The following COL4A5 variants were observed in gnomAD, a reference collection of about 807,000 sequenced individuals.
COL4A5 encodes the protein collagen type IV alpha 5 chain, also known as collagen alpha-5(IV) chain.
Under a neutral mutation model 130.2 loss-of-function variants are expected in COL4A5, and 26 were observed. That is an observed-to-expected ratio of 0.20 (90% CI 0.15 to 0.28). The LOEUF (loss-of-function observed/expected upper bound fraction) is 0.28, where lower values mean the gene tolerates loss of function less well. COL4A5 is among the 10% of genes least tolerant of loss of function. COL4A5 has a pLI of 1.00. For synonymous variants in COL4A5, 496 were observed against 439.6 expected (o/e 1.13, Z -1.60); for missense variants, 1,131 against 1,344.3 (o/e 0.84, Z 2.48).
At chrX:108,691,238 A>C (rs2147996149) in intron 49 of COL4A5, among the ~76,000 whole-genome samples, 1 of 110,854 alleles carries the variant, frequency 9.0e-6, no homozygotes, top group East Asian at 2.8e-4. Context: ...GAAGGAATTA[A>C]TTCCATATTT....
intron 1 of COL4A5, among the ~76,000 whole-genome samples, chrX:108,447,127 C>T (rs1457753343): frequency 9.0e-6 from 1 of 110,964 alleles, no homozygotes; most frequent in African/African-American, 3.3e-5. Flanking sequence ...GACCACTTTC[C>T]CCACCCCTCT....
chrX:108,692,970 T>C, intron 50 of COL4A5, 45 bp downstream of exon 50: 1 of 1,182,617 alleles, frequency 8.5e-7, no homozygotes, highest in Admixed American at 2.2e-5. Context: ...CCCCAGTTAG[T>C]TAGCTAGTCA....
chrX:108,465,310 A>G (rs2064695081), intron 1 of COL4A5, among the ~76,000 whole-genome samples: 1 of 112,244 alleles, frequency 8.9e-6, no homozygotes, highest in South Asian at 3.7e-4. Context: ...GTGGGTATGA[A>G]GTGGTATCTT....
At chrX:108,695,818 C>T (rs966814678) in intron 52 of COL4A5, 10 of 248,467 alleles carry the variant, frequency 4.0e-5, no homozygotes, top group Non-Finnish European at 6.5e-5. Context: ...TTTAAAGATT[C>T]TCATTTAAGG....
At chrX:108,616,358 C>T (rs1451107702) in intron 30 of COL4A5, among the ~76,000 whole-genome samples, 1 of 110,368 alleles carries the variant, frequency 9.1e-6, no homozygotes, top group Non-Finnish European at 1.9e-5. Context: ...GCCTCAGCCT[C>T]CGGAGTAGCC....
At chrX:108,562,186 T>C (rs1334119407) in intron 3 of COL4A5, among the ~76,000 whole-genome samples, 1 of 112,000 alleles carries the variant, frequency 8.9e-6, no homozygotes, top group Admixed American at 9.5e-5. Context: ...CTCAACATAT[T>C]GGAGCTAGTT....
chrX:108,597,312 A>G, intron 23 of COL4A5, 65 bp from the exon 24 acceptor site: 1 of 1,102,347 alleles, frequency 9.1e-7, no homozygotes, highest in East Asian at 3.0e-5. Context: ...AAAAAAAGAA[A>G]CTGATTTTCT....
intron 1 of COL4A5, among the ~76,000 whole-genome samples, chrX:108,481,424 T>G (rs2064889844): frequency 9.0e-6 from 1 of 111,561 alleles, no homozygotes; most frequent in Non-Finnish European, 1.9e-5. Flanking sequence ...CTGGCTCAAG[T>G]CTGGAAATTG....
intron 1 of COL4A5, among the ~76,000 whole-genome samples, chrX:108,502,291 TTTG>T (rs1392792885): frequency 9.0e-6 from 1 of 110,570 alleles, no homozygotes; most frequent in Non-Finnish European, 1.9e-5. Context: ...TTTGTTTTGT[TTTG>T]TTTTTTTGGA....
intron 1 of COL4A5, among the ~76,000 whole-genome samples, chrX:108,538,405 T>C (rs1269351098): frequency 1.8e-5 from 2 of 111,927 alleles, no homozygotes; most frequent in Middle Eastern, 4.2e-3. Flanking sequence ...AGCAGCCTCT[T>C]GTAGTGTGAG....
chrX:108,578,533 C>A, intron 13 of COL4A5, 150 bp downstream of exon 13: 1 of 467,046 alleles, frequency 2.1e-6, no homozygotes, highest in Non-Finnish European at 3.8e-6. Context: ...GTCAGTTATA[C>A]CTCAATAAAG....
At chrX:108,534,263 A>G (rs2147641923) in intron 1 of COL4A5, among the ~76,000 whole-genome samples, 1 of 111,949 alleles carries the variant, frequency 8.9e-6, no homozygotes, top group East Asian at 2.8e-4. Context: ...AGAAATCAAT[A>G]TATCAAAGAA....
chrX:108,559,649 G>A (rs1225082344), intron 3 of COL4A5, among the ~76,000 whole-genome samples: 1 of 112,104 alleles, frequency 8.9e-6, no homozygotes, highest in African/African-American at 3.2e-5. Context: ...ACTGCTGAGG[G>A]AGCTCAGAAC....
chrX:108,479,572 T>C (rs1376803932), intron 1 of COL4A5, among the ~76,000 whole-genome samples: 2 of 111,704 alleles, frequency 1.8e-5, no homozygotes, highest in Admixed American at 9.5e-5. Flanking sequence ...CAACTGATCA[T>C]AGGAAACTCC....
chrX:108,549,483 C>G (rs2065717138), intron 2 of COL4A5, among the ~76,000 whole-genome samples: 1 of 111,645 alleles, frequency 9.0e-6, no homozygotes, highest in South Asian at 3.7e-4. Flanking sequence ...TTAGAAAGCA[C>G]TGTTCTAAAT....
At chrX:108,594,835 A>C (rs28410790) in intron 21 of COL4A5, among the ~76,000 whole-genome samples, 11,413 of 109,836 alleles carry the variant, frequency 0.1, 1,297 homozygotes, top group African/African-American at 0.34. Flanking sequence ...AAAATAATAT[A>C]TTTTAAAGCA....
intron 1 of COL4A5, among the ~76,000 whole-genome samples, chrX:108,520,501 G>A (rs1002024883): frequency 9.0e-6 from 1 of 110,938 alleles, no homozygotes; most frequent in East Asian, 2.8e-4. Flanking sequence ...TAAAATCTCC[G>A]ACTCTGATTG....
chrX:108,595,454 A>G, intron 21 of COL4A5, 55 bp from the exon 22 acceptor site: 1 of 1,045,614 alleles, frequency 9.6e-7, no homozygotes, highest in Admixed American at 2.2e-5. Context: ...ACCTATCTAT[A>G]GAAGGTATAT....
chrX:108,613,049 A>G (rs1219157588), intron 29 of COL4A5, among the ~76,000 whole-genome samples: 3 of 112,031 alleles, frequency 2.7e-5, no homozygotes, highest in Non-Finnish European at 5.7e-5. Context: ...AAGCAATTGG[A>G]CATCCATATG....
Sources: gnomAD v4.1 joint callset for allele counts (sites outside exome capture counted in the v4.1 genomes callset) on GRCh38, gnomAD v4.1.1 for gene constraint, MANE v1.5 for transcripts, NCBI Gene and HGNC (gene_info 2026-07-23, HGNC 2026-07-21) for gene names.